AKAP19: variants seen among roughly 807,000 people sequenced by gnomAD.
AKAP19 encodes the protein small A-kinase anchoring protein.
At chr2:189,951,697 G>C in the AKAP19 span, among the ~76,000 whole-genome samples, 1,092 of 152,272 alleles carry the variant, frequency 7.2e-3, 16 homozygotes, top group African/African-American at 0.025. Context: ...AAAGTCTAAA[G>C]TTAGAGAATC....
the AKAP19 span, among the ~76,000 whole-genome samples, chr2:190,045,426 C>A: frequency 6.6e-6 from 1 of 151,622 alleles, no homozygotes; most frequent in Non-Finnish European, 1.5e-5. Context: ...GGTTGAGGCA[C>A]GGCTGAAGGC....
the AKAP19 span, among the ~76,000 whole-genome samples, chr2:189,931,946 C>T: frequency 1.3e-4 from 20 of 152,184 alleles, no homozygotes; most frequent in Non-Finnish European, 2.5e-4. Context: ...GATTTACAGT[C>T]CTTATTTAAA....
the AKAP19 span, among the ~76,000 whole-genome samples, chr2:190,032,924 A>G: frequency 3.0e-4 from 45 of 152,286 alleles, no homozygotes; most frequent in African/African-American, 1.0e-3. Flanking sequence ...ATTTTTTTCA[A>G]TGCAGTTAAT....
the AKAP19 span, among the ~76,000 whole-genome samples, chr2:190,041,654 T>C: frequency 6.6e-6 from 1 of 152,222 alleles, no homozygotes; most frequent in South Asian, 2.1e-4. Context: ...TGTGGTTTTG[T>C]CATAGATGGC....
chr2:190,133,032 A>C, the AKAP19 span, among the ~76,000 whole-genome samples: 209 of 152,022 alleles, frequency 1.4e-3, no homozygotes, highest in South Asian at 3.7e-3. Context: ...GTCAGGAGAT[A>C]GAGACCATCC....
At chr2:189,950,438 T>C in the AKAP19 span, among the ~76,000 whole-genome samples, 640 of 151,804 alleles carry the variant, frequency 4.2e-3, 7 homozygotes, top group African/African-American at 0.015. Context: ...GTTAACTGAT[T>C]GTGAAGAGTC....
chr2:189,945,973 A>C, the AKAP19 span, among the ~76,000 whole-genome samples: 1 of 152,224 alleles, frequency 6.6e-6, no homozygotes, highest in Non-Finnish European at 1.5e-5. Context: ...TGACACTTTC[A>C]AAAATGGAGA....
At chr2:190,041,334 A>T in the AKAP19 span, among the ~76,000 whole-genome samples, 2 of 152,100 alleles carry the variant, frequency 1.3e-5, no homozygotes, top group East Asian at 3.8e-4. Context: ...TTGTTGGTGT[A>T]TAGGAATGCT....
the AKAP19 span, among the ~76,000 whole-genome samples, chr2:189,888,387 T>G: frequency 6.6e-6 from 1 of 152,374 alleles, no homozygotes; most frequent in South Asian, 2.1e-4. Flanking sequence ...GGTAGTATGA[T>G]GCTTCCAGCT....
At chr2:190,093,826 A>G in the AKAP19 span, among the ~76,000 whole-genome samples, 3 of 152,190 alleles carry the variant, frequency 2.0e-5, no homozygotes, top group Non-Finnish European at 2.9e-5. Context: ...TACTTTGGGA[A>G]TTTCTTGCCT....
the AKAP19 span, among the ~76,000 whole-genome samples, chr2:189,886,479 A>C: frequency 6.6e-6 from 1 of 152,206 alleles, no homozygotes; most frequent in Non-Finnish European, 1.5e-5. Flanking sequence ...ACATCCTGGG[A>C]GATTGAAGAC....
the AKAP19 span, among the ~76,000 whole-genome samples, chr2:190,021,848 A>G: frequency 6.6e-6 from 1 of 152,208 alleles, no homozygotes; most frequent in East Asian, 1.9e-4. Flanking sequence ...ATAACAGAAT[A>G]CCTGAAGGTG....
At chr2:189,883,789 A>C in the AKAP19 span, among the ~76,000 whole-genome samples, 671 of 152,204 alleles carry the variant, frequency 4.4e-3, 8 homozygotes, top group African/African-American at 0.015. Flanking sequence ...CTGAACAGAG[A>C]ATATAGAGAG....
the AKAP19 span, among the ~76,000 whole-genome samples, chr2:189,937,693 A>G: frequency 1.3e-5 from 2 of 152,230 alleles, no homozygotes; most frequent in African/African-American, 4.8e-5. Context: ...GAGAAATGCA[A>G]ATCAAAACAA....
the AKAP19 span, among the ~76,000 whole-genome samples, chr2:189,916,032 A>T: frequency 1.3e-5 from 2 of 152,144 alleles, no homozygotes; most frequent in East Asian, 3.9e-4. Context: ...TGTAGCATAG[A>T]GCTTTCCCAG....
the AKAP19 span, among the ~76,000 whole-genome samples, chr2:189,955,318 G>A: frequency 1.5e-4 from 23 of 151,862 alleles, no homozygotes; most frequent in Non-Finnish European, 3.1e-4. Flanking sequence ...TTTTTTGCTA[G>A]TATTCTATGG....
At chr2:190,022,383 T>C in the AKAP19 span, among the ~76,000 whole-genome samples, 776 of 152,248 alleles carry the variant, frequency 5.1e-3, 4 homozygotes, top group African/African-American at 0.018. Context: ...ATTATGAAAA[T>C]CATGCACCCT....
the AKAP19 span, among the ~76,000 whole-genome samples, chr2:190,027,093 A>G: frequency 6.6e-6 from 1 of 152,226 alleles, no homozygotes; most frequent in Admixed American, 6.5e-5. Flanking sequence ...GTACTAAAAT[A>G]CAAGTTCTTA....
At chr2:190,117,350 T>A in the AKAP19 span, among the ~76,000 whole-genome samples, 1 of 152,200 alleles carries the variant, frequency 6.6e-6, no homozygotes, top group Admixed American at 6.5e-5. Context: ...TATCCTATAA[T>A]GTTATTGTGA....
Sources: gnomAD v4.1 joint callset for allele counts (sites outside exome capture counted in the v4.1 genomes callset) on GRCh38, gnomAD v4.1.1 for gene constraint, MANE v1.5 for transcripts, NCBI Gene and HGNC (gene_info 2026-07-23, HGNC 2026-07-21) for gene names.